The following KAZN variants were observed in gnomAD, a reference collection of about 807,000 sequenced individuals.
KAZN encodes kazrin, periplakin interacting protein, also known as kazrin.
Under a neutral mutation model 87.4 loss-of-function variants are expected in KAZN, and 40 were observed. The observed-to-expected ratio is 0.46, with a 90% confidence interval of 0.36 to 0.60. The LOEUF (loss-of-function observed/expected upper bound fraction) is 0.60. Ranked by LOEUF, KAZN falls within the 20% of genes least tolerant of loss-of-function variation. KAZN has a pLI of 0.00. For missense variants in KAZN, 898 were observed against 1,073.9 expected (o/e 0.84, Z 2.29); for synonymous variants, 466 against 458.3 (o/e 1.02, Z -0.22).
chr1:14,165,724 C>T (rs1330009311), intron 1 of KAZN, among the ~76,000 whole-genome samples: 1 of 152,168 alleles, frequency 6.6e-6, no homozygotes, highest in Non-Finnish European at 1.5e-5. Context: ...CCTTCTCACC[C>T]CTGAGCAAGA....
intron 8 of KAZN, among the ~76,000 whole-genome samples, chr1:15,069,982 A>G (rs1355058226): frequency 6.6e-6 from 1 of 152,232 alleles, no homozygotes; most frequent in African/African-American, 2.4e-5. Context: ...CACTTTACAC[A>G]TATTAACTCA....
At chr1:13,983,053 T>G (rs1455513068) in intron 1 of KAZN, among the ~76,000 whole-genome samples, 1 of 151,764 alleles carries the variant, frequency 6.6e-6, no homozygotes, top group Non-Finnish European at 1.5e-5. Flanking sequence ...GAGCTAGACA[T>G]AAAGGTTCTC....
chr1:14,655,457 G>A (rs776193338), intron 1 of KAZN, among the ~76,000 whole-genome samples: 33 of 152,164 alleles, frequency 2.2e-4, no homozygotes, highest in Non-Finnish European at 4.0e-4. Flanking sequence ...GGTGCATTCA[G>A]GTGGGTCTCC....
At chr1:14,417,520 A>G (rs760654776) in intron 2 of KAZN, among the ~76,000 whole-genome samples, 3 of 152,186 alleles carry the variant, frequency 2.0e-5, no homozygotes, top group Non-Finnish European at 4.4e-5. Context: ...AATGAAACAC[A>G]TCAGCTCAAA....
At chr1:14,302,065 G>A (rs1315027593) in intron 2 of KAZN, among the ~76,000 whole-genome samples, 1 of 152,174 alleles carries the variant, frequency 6.6e-6, no homozygotes, top group Non-Finnish European at 1.5e-5. Flanking sequence ...TTGGATACAT[G>A]ATGGGTACCT....
chr1:14,098,911 C>T (rs962609526), intron 1 of KAZN, among the ~76,000 whole-genome samples: 14 of 152,176 alleles, frequency 9.2e-5, no homozygotes, highest in Middle Eastern at 3.2e-3. Context: ...ACATGGAATT[C>T]AGAGGCCAGG....
chr1:14,016,564 C>T (rs1640583915), intron 1 of KAZN, among the ~76,000 whole-genome samples: 1 of 152,176 alleles, frequency 6.6e-6, no homozygotes, highest in East Asian at 1.9e-4. Context: ...ACACAATCCA[C>T]TGTGGGCTCC....
intron 1 of KAZN, among the ~76,000 whole-genome samples, chr1:14,048,736 C>T (rs531067525): frequency 5.4e-4 from 83 of 152,332 alleles, no homozygotes; most frequent in Non-Finnish European, 8.4e-4. Context: ...TTGTCTCCCA[C>T]TTCCTGTTTA....
intron 2 of KAZN, among the ~76,000 whole-genome samples, chr1:14,478,658 C>A (rs1216390284): frequency 1.3e-5 from 2 of 152,222 alleles, no homozygotes; most frequent in African/African-American, 2.4e-5. Context: ...TATTTCACTT[C>A]TTTTATGTCC....
intron 1 of KAZN, among the ~76,000 whole-genome samples, chr1:14,071,781 T>A (rs1310288218): frequency 6.6e-6 from 1 of 152,124 alleles, no homozygotes; most frequent in East Asian, 1.9e-4. Context: ...ATGCTTGTGG[T>A]CTCCCAGAAA....
intron 1 of KAZN, among the ~76,000 whole-genome samples, chr1:13,943,378 G>A (rs571692172): frequency 1.3e-5 from 2 of 152,220 alleles, no homozygotes; most frequent in Non-Finnish European, 2.9e-5. Context: ...GCTGAGGTGG[G>A]AGGATCCCTT....
chr1:14,901,741 G>T (rs6687591), intron 1 of KAZN, among the ~76,000 whole-genome samples: 20,787 of 152,186 alleles, frequency 0.14, 2,765 homozygotes, highest in African/African-American at 0.35. Flanking sequence ...AGAAGCTCCC[G>T]GACAGCCTGG....
At chr1:14,050,147 G>T (rs1361113690) in intron 1 of KAZN, among the ~76,000 whole-genome samples, 4 of 129,212 alleles carry the variant, frequency 3.1e-5, no homozygotes, top group Non-Finnish European at 5.5e-5. Context: ...TGTGGATTTG[G>T]GTATGCTTGT....
rs192886024 is a variant in KAZN, at chr1:14,090,732, A to G, written c.92-89703A>G. 3.0e-3 allele frequency among the ~76,000 whole-genome samples: 457 copies of G among 152,314 alleles called. 6 individuals are homozygous for G. The highest frequency in any genetic ancestry group is 0.011 in the African/African-American group (439 of 41,580). On this transcript the variant is annotated intron_variant, in intron 1 of 16. Coordinates refer to the KAZN transcript ENST00000636203. Reference sequence around the variant, plus strand: ...TTATTCCCAGTGCTGGGTAGGCACAATGAGTGGTTCTGTCTGCTGCTCTCT... The same window carrying G: ...TTATTCCCAGTGCTGGGTAGGCACAGTGAGTGGTTCTGTCTGCTGCTCTCT...
chr1:14,468,986 G>C (rs1159678144), intron 2 of KAZN, among the ~76,000 whole-genome samples: 2 of 152,260 alleles, frequency 1.3e-5, no homozygotes, highest in South Asian at 2.1e-4. Context: ...ACAGTTTACT[G>C]TCTCTTTCTA....
At chr1:14,123,889 G>T (rs74057272) in intron 1 of KAZN, among the ~76,000 whole-genome samples, 4,086 of 152,086 alleles carry the variant, frequency 0.027, 205 homozygotes, top group African/African-American at 0.094. Context: ...CCCTCTTTTG[G>T]GGCCTTTTCT....
intron 4 of KAZN, among the ~76,000 whole-genome samples, chr1:15,046,313 T>C (rs1451404073): frequency 9.3e-6 from 1 of 107,340 alleles, no homozygotes; most frequent in Non-Finnish European, 2.0e-5. Context: ...AAAAAGAGAA[T>C]CATAAGGAAG....
At position 14,908,213 on chromosome 1, in the gene KAZN, C is replaced by T. The variant is rs545627413; in HGVS notation, c.227-52471C>T. ...AGGAGTTCAAGACCAGCCTGGGCAA[C>T]ATAGCAAGACCCCTATCTGTACAAA... On this transcript the variant is annotated intron_variant, in intron 1 of 14. Coordinates refer to ENST00000376030, the MANE Select transcript of KAZN (RefSeq NM_201628.3). Among the ~76,000 whole-genome samples the T allele has an allele frequency of 1.4e-3, 206 of 151,092 alleles. 2 individuals are homozygous for T. Among genetic ancestry groups the T allele is most frequent in the Admixed American group, 2.2e-3 (34 of 15,194 alleles).
chr1:14,733,511 C>T (rs544345477), intron 1 of KAZN, among the ~76,000 whole-genome samples: 1 of 152,266 alleles, frequency 6.6e-6, no homozygotes, highest in South Asian at 2.1e-4. Flanking sequence ...GGTGGGACCT[C>T]CTGGAGCCTT....
Sources: allele counts gnomAD v4.1 joint callset (sites outside exome capture counted in the v4.1 genomes callset), GRCh38; gene constraint gnomAD v4.1.1; transcripts MANE v1.5; gene names NCBI Gene and HGNC (gene_info 2026-07-23, HGNC 2026-07-21).